Variants in MAP2K4 observed in about 807,000 individuals in gnomAD.
MAP2K4 encodes dual specificity mitogen-activated protein kinase kinase 4.
MAP2K4 carries 4 observed loss-of-function variants against 48.5 expected under a neutral mutation model. That is an observed-to-expected ratio of 0.08 (90% CI 0.04 to 0.19). The LOEUF (loss-of-function observed/expected upper bound fraction) is 0.19, where lower values mean the gene tolerates loss of function less well. Ranked by LOEUF, MAP2K4 falls within the 10% of genes least tolerant of loss-of-function variation. The pLI is 1.00. For synonymous variants in MAP2K4, 166 were observed against 173.1 expected (o/e 0.96, Z 0.32); for missense variants, 258 against 493.3 (o/e 0.52, Z 4.52).
At chr17:12,044,621 G>C (rs1969900778) in intron 1 of MAP2K4, among the ~76,000 whole-genome samples, 1 of 152,180 alleles carries the variant, frequency 6.6e-6, no homozygotes, top group African/African-American at 2.4e-5. Flanking sequence ...AAATATGGGG[G>C]ATTTCTCCCC....
intron 1 of MAP2K4, among the ~76,000 whole-genome samples, chr17:12,049,318 C>T (rs1037218148): frequency 3.9e-5 from 6 of 152,182 alleles, no homozygotes; most frequent in Non-Finnish European, 8.8e-5. Flanking sequence ...GACTTGTACA[C>T]TGCAGTTCCA....
intron 9 of MAP2K4, among the ~76,000 whole-genome samples, chr17:12,131,945 T>C (rs1973040743): frequency 6.6e-6 from 1 of 152,208 alleles, no homozygotes. Flanking sequence ...TTAAAGATGA[T>C]ATTCAAGAGG....
intron 7 of MAP2K4, chr17:12,125,041 G>T: frequency 2.3e-6 from 1 of 433,020 alleles, no homozygotes; most frequent in Non-Finnish European, 4.2e-6. Flanking sequence ...CTTCAGCTTT[G>T]TAAATGCTTT....
At chr17:12,102,138 A>T (rs1004582593) in intron 4 of MAP2K4, among the ~76,000 whole-genome samples, 1 of 151,856 alleles carries the variant, frequency 6.6e-6, no homozygotes, top group African/African-American at 2.4e-5. Flanking sequence ...TTAGCTGTGG[A>T]CTTTTCATAT....
intron 1 of MAP2K4, among the ~76,000 whole-genome samples, chr17:12,048,042 C>G (rs888250265): frequency 6.6e-6 from 1 of 151,188 alleles, no homozygotes; most frequent in African/African-American, 2.4e-5. Context: ...ATTTCTTTTT[C>G]TTTTTTTTTG....
intron 2 of MAP2K4, among the ~76,000 whole-genome samples, chr17:12,060,330 T>G (rs1480818701): frequency 6.6e-6 from 1 of 152,238 alleles, no homozygotes; most frequent in African/African-American, 2.4e-5. Flanking sequence ...ATACACTATT[T>G]TATATAATGA....
In MAP2K4 at chr17:12,115,982, G is replaced by T. The variant is rs1398924858; in HGVS notation, c.813+2622G>T. On this transcript the variant is annotated intron_variant, in intron 7 of 10. Coordinates refer to ENST00000353533, the MANE Select transcript of MAP2K4 (RefSeq NM_003010.4). ...CTCTTTTCTCGTTCTTTTTAAGTCTGTTTTGTGGCACTCTAAAAATGCAGA... is the reference window on the plus strand; with the variant it reads ...CTCTTTTCTCGTTCTTTTTAAGTCTTTTTTGTGGCACTCTAAAAATGCAGA... 2.0e-5 allele frequency: 8 copies of T among 394,270 alleles called. No homozygotes were observed. The East Asian group carries it at 4.2e-4, about 21-fold the overall frequency. 24.4% of individuals were successfully genotyped at this position (394,270 alleles called of 1,614,324 possible).
At chr17:12,087,306 C>G (rs1043720980) in intron 3 of MAP2K4, among the ~76,000 whole-genome samples, 7 of 152,094 alleles carry the variant, frequency 4.6e-5, no homozygotes, top group African/African-American at 1.7e-4. Context: ...ACTTTATTGT[C>G]GTAAGTACTG....
intron 8 of MAP2K4, 89 bp downstream of exon 8, chr17:12,125,460 G>A (rs1480283286): frequency 1.2e-5 from 12 of 996,716 alleles, no homozygotes; most frequent in South Asian, 2.6e-5. Flanking sequence ...TTCCCCGTTC[G>A]TTAAGAACTA....
At chr17:12,069,533 AT>A in intron 2 of MAP2K4, 1 of 164,818 alleles carries the variant, frequency 6.1e-6, no homozygotes, top group Non-Finnish European at 1.3e-5. Flanking sequence ...CTGCAGACTT[AT>A]CTAATTTGTC....
At chr17:12,029,286 TC>T (rs1969356476) in intron 1 of MAP2K4, among the ~76,000 whole-genome samples, 1 of 152,182 alleles carries the variant, frequency 6.6e-6, no homozygotes, top group Non-Finnish European at 1.5e-5. Flanking sequence ...TAGCATTCTG[TC>T]CTATGCATTT....
At chr17:12,035,481 A>G (rs183034178) in intron 1 of MAP2K4, among the ~76,000 whole-genome samples, 4 of 152,184 alleles carry the variant, frequency 2.6e-5, no homozygotes, top group African/African-American at 9.7e-5. Flanking sequence ...GTGCCATGGC[A>G]CTCCAGCCTG....
chr17:12,069,860 C>A, intron 2 of MAP2K4: 1 of 352,114 alleles, frequency 2.8e-6, no homozygotes, highest in Non-Finnish European at 5.4e-6. Context: ...GTATGTCTTA[C>A]CTTTATTTTC....
intron 1 of MAP2K4, among the ~76,000 whole-genome samples, chr17:12,028,988 A>C (rs1384276506): frequency 1.3e-5 from 2 of 152,038 alleles, no homozygotes; most frequent in Non-Finnish European, 2.9e-5. Context: ...CACAGTTGGA[A>C]CTAGAACTCT....
At chr17:12,053,746 G>A (rs931389173) in intron 1 of MAP2K4, among the ~76,000 whole-genome samples, 7 of 151,934 alleles carry the variant, frequency 4.6e-5, no homozygotes, top group African/African-American at 1.7e-4. Context: ...AGATCTAGGG[G>A]CCGTGGCAAG....
chr17:12,021,129 T>C, intron 1 of MAP2K4, 128 bp downstream of exon 1: 1 of 481,024 alleles, frequency 2.1e-6, no homozygotes, highest in Non-Finnish European at 3.2e-6. Flanking sequence ...TCTCCCTCTC[T>C]CCCTCCCCGG....
chr17:12,133,861 C>A (rs1004476284), intron 9 of MAP2K4, among the ~76,000 whole-genome samples: 2 of 152,160 alleles, frequency 1.3e-5, no homozygotes, highest in Non-Finnish European at 2.9e-5. Context: ...AATTGTGCAA[C>A]TAATTAGGCA....
chr17:12,055,652 G>T (rs768764367), intron 2 of MAP2K4, among the ~76,000 whole-genome samples: 1 of 151,890 alleles, frequency 6.6e-6, no homozygotes, highest in African/African-American at 2.4e-5. Flanking sequence ...TCAACAATTT[G>T]CATCTAGATC....
chr17:12,139,860 A>T lies in MAP2K4; in HGVS notation c.1062A>T (p.Lys354Asn). 6.2e-7 allele frequency: 1 copy of T among 1,606,638 alleles called. No individual in the cohort carries two copies. Among genetic ancestry groups the T allele is most frequent in the Non-Finnish European group, 8.5e-7 (1 of 1,175,362 alleles). The stretch of plus-strand genomic sequence containing the variant: ...TTAGCCTTACGAAGGATGAATCCAA[A>T]AGGCCAAAGTATAAAGAGCTTCTGG... ...VNLCLTKDES[K>N]RPKYKELLKH... Residue 354 changes from lysine (K) to asparagine (N), a missense_variant, in exon 10 of 11, where the codon AAA (lysine) becomes AAT (asparagine). Physicochemically the swap from Lys to Asn is moderately conservative, Grantham distance 94. Transcript: ENST00000353533.
Sources: gnomAD v4.1 joint callset for allele counts (sites outside exome capture counted in the v4.1 genomes callset) on GRCh38, gnomAD v4.1.1 for gene constraint, MANE v1.5 for transcripts, NCBI Gene and HGNC (gene_info 2026-07-23, HGNC 2026-07-21) for gene names.